The following ZNF791 variants were observed in gnomAD, a reference collection of about 807,000 sequenced individuals.
The protein encoded by ZNF791 is zinc finger protein 791.
Under a neutral mutation model 11.5 loss-of-function variants are expected in ZNF791, and 4 were observed. The observed-to-expected ratio is 0.35, with a 90% CI of 0.17 to 0.80. The LOEUF (loss-of-function observed/expected upper bound fraction) is 0.80. Among genes scored for constraint, ZNF791 ranks in the 30% least tolerant of loss-of-function variants. The pLI is 0.53. For missense variants in ZNF791, 559 were observed against 699.4 expected (o/e 0.80, Z 2.26); for synonymous variants, 212 against 228.1 (o/e 0.93, Z 0.64).
intron 1 of ZNF791, among the ~76,000 whole-genome samples, chr19:12,615,083 GA>G (rs2023226817): frequency 1.6e-5 from 2 of 125,440 alleles, no homozygotes; most frequent in South Asian, 5.3e-4. Flanking sequence ...GCAGTGATGT[GA>G]TCATTGCTCA....
chr19:12,629,512 G>A lies in ZNF791; in HGVS notation c.*252G>A, dbSNP rs546095398. On this transcript the variant is annotated 3_prime_UTR_variant, in exon 4 of 4. Coordinates refer to ENST00000343325, the MANE Select transcript of ZNF791 (RefSeq NM_153358.3). ...TATCAACCGCAATTTAGTAGCAGTA[G>A]TAACACCATAGTGCAGCACATTATT... 2.9e-5 allele frequency: 9 copies of A among 313,144 alleles called. No individual in the cohort carries two copies. The East Asian group carries it at 4.1e-4, about 14-fold the overall frequency. 19.4% of individuals were successfully genotyped at this position (313,144 alleles called of 1,614,324 possible).
intron 1 of ZNF791, among the ~76,000 whole-genome samples, chr19:12,614,545 G>A (rs2023210308): frequency 6.7e-6 from 1 of 150,236 alleles, no homozygotes; most frequent in Non-Finnish European, 1.5e-5. Flanking sequence ...CCGGGGTTAC[G>A]TTTTTCAAGC....
intron 1 of ZNF791, among the ~76,000 whole-genome samples, chr19:12,617,750 T>C (rs74714767): frequency 0.011 from 1,638 of 145,530 alleles, 31 homozygotes; most frequent in African/African-American, 0.04. Context: ...ATTTTCTACC[T>C]GCTGGAACTC....
At chr19:12,611,243 C>T (rs950788590) in intron 1 of ZNF791, among the ~76,000 whole-genome samples, 161 bp downstream of exon 1, 2 of 152,240 alleles carry the variant, frequency 1.3e-5, no homozygotes, top group Admixed American at 6.5e-5. Context: ...CCCCGGAGCC[C>T]TCTCTGGACA....
chr19:12,622,411 C>A lies in ZNF791; in HGVS notation c.4-1289C>A, dbSNP rs3057757. 6.6e-3 allele frequency among the ~76,000 whole-genome samples: 521 copies of A among 79,032 alleles called. 1 individual carries two copies. The highest frequency in any genetic ancestry group is 0.019 in the East Asian group (39 of 2,038). 51.8% of individuals were successfully genotyped at this position (79,032 alleles called of 152,430 possible). A position where few individuals can be genotyped will look rare whatever the true frequency, so the allele number is the denominator to read the frequency against. On this transcript the variant is annotated intron_variant, in intron 1 of 3. Transcript: ENST00000343325. ...ATAATAAAAAAAAGACTGTCTCAAA[C>A]AAAAAAAAAAAAAAAAAAAAACCTC... is the stretch of plus-strand genomic sequence containing the variant.
chr19:12,612,179 G>A, intron 1 of ZNF791: 1 of 885,180 alleles, frequency 1.1e-6, no homozygotes, highest in Non-Finnish European at 1.4e-6. Context: ...TATTGCCATG[G>A]AAATAATTAA....
rs2023467597 is a variant in ZNF791 at position 12,629,059 on chromosome 19, C to T, written c.1530C>T (p.Ser510=). ...ECGKAFIYPT[S]FQGHMRMHTG... ...GGAAGGCCTTTATTTATCCCACAAGCTTTCAAGGACACATGAGAATGCATA... is the reference window on the plus strand; with the variant it reads ...GGAAGGCCTTTATTTATCCCACAAGTTTTCAAGGACACATGAGAATGCATA... The change falls in exon 4 of 4, where the codon AGC becomes AGT. Residue 510 remains serine (S), a synonymous_variant. Coordinates refer to ENST00000343325, the MANE Select transcript of ZNF791 (RefSeq NM_153358.3). The T allele has an allele frequency of 6.2e-7, 1 of 1,610,580 alleles. No homozygotes were observed. The highest frequency in any genetic ancestry group is 1.3e-5 in the African/African-American group (1 of 74,658).
rs1035360089 is a variant in ZNF791 at position 12,632,718 on chromosome 19, G to C, written c.*3458G>C. On this transcript the variant is annotated 3_prime_UTR_variant, in exon 4 of 4. Transcript: ENST00000343325. ...AAATGCTTGAACCTGGAAGTCAGAG[G>C]TTGCAGTGAGCCAAGATCACACCAC... The C allele has an allele frequency of 6.6e-6, 1 of 152,008 alleles. No individual in the cohort carries two copies. Among genetic ancestry groups the C allele is most frequent in the Non-Finnish European group, 1.5e-5 (1 of 68,014 alleles). The allele number at this position is 152,008 out of a possible 1,614,324, so 9.4% of individuals were successfully genotyped here.
At chr19:12,626,109 C>G (rs925560218) in intron 3 of ZNF791, among the ~76,000 whole-genome samples, 1 of 152,190 alleles carries the variant, frequency 6.6e-6, no homozygotes, top group Non-Finnish European at 1.5e-5. Context: ...CTCCCACTCC[C>G]TGGTTCAAGG....
intron 1 of ZNF791, among the ~76,000 whole-genome samples, chr19:12,619,427 A>G (rs2023298221): frequency 6.7e-6 from 1 of 150,086 alleles, no homozygotes; most frequent in Non-Finnish European, 1.5e-5. Context: ...CTCTGTAGTC[A>G]TCAACACTAA....
In ZNF791 at chr19:12,628,716, C is replaced by G. The variant is rs1019948988; in HGVS notation, c.1187C>G (p.Pro396Arg). Residue 396 changes from proline (P) to arginine (R), a missense_variant, in exon 4 of 4, where the codon CCT (proline) becomes CGT (arginine). Physicochemically the swap from Pro to Arg is moderately radical, Grantham distance 103. Coordinates refer to ENST00000343325, the MANE Select transcript of ZNF791 (RefSeq NM_153358.3). ...AAATGTGGGAAAACTTTCAATTATC[C>G]TCTAGATTTGAAAATCCACAAGAGA... ...CKKCGKTFNY[P>R]LDLKIHKRNH... 3 of 1,601,370 alleles carry G rather than the reference C, an allele frequency of 1.9e-6. No individual in the cohort carries two copies. Among genetic ancestry groups the G allele is most frequent in the Non-Finnish European group, 2.6e-6 (3 of 1,174,220 alleles).
rs780174947 is a variant in ZNF791, at chr19:12,629,241, T to G, written c.1712T>G (p.Met571Arg). Residue 571 changes from methionine (M) to arginine (R), a missense_variant, in exon 4 of 4, where the codon ATG becomes AGG. Met to Arg is a moderately conservative substitution (Grantham distance 91, BLOSUM62 -1). Coordinates refer to ENST00000343325, the MANE Select transcript of ZNF791 (RefSeq NM_153358.3). ...FSVSTSLKKHMRMHNR is the reference protein window; with the variant it reads ...FSVSTSLKKHRRMHNR ...GTGTCCACATCCTTAAAAAAACATA[T>G]GAGAATGCACAATCGATAGAAACTC... The G allele has an allele frequency of 2.0e-6, 3 of 1,488,642 alleles. No homozygotes were observed. The highest frequency in any genetic ancestry group is 4.6e-5 in the East Asian group (2 of 43,268). 92.2% of individuals were successfully genotyped at this position (1,488,642 alleles called of 1,614,324 possible). A position where few individuals can be genotyped will look rare whatever the true frequency, so the allele number is the denominator to read the frequency against.
chr19:12,625,824 T>C (rs2145193368), intron 3 of ZNF791, among the ~76,000 whole-genome samples: 1 of 151,240 alleles, frequency 6.6e-6, no homozygotes, highest in South Asian at 2.1e-4. Flanking sequence ...AAGAAAAATA[T>C]TGTACTTGGG....
chr19:12,623,603 T>TG, intron 1 of ZNF791, 97 bp from the exon 2 acceptor site: 1 of 1,529,148 alleles, frequency 6.5e-7, no homozygotes, highest in Non-Finnish European at 9.0e-7. Flanking sequence ...ACTAAATGTT[T>TG]GGAGACCACA....
At position 12,632,994 on chromosome 19, in the gene ZNF791, C is replaced by CT. The variant is rs1234222158; in HGVS notation, c.*3735dup. On this transcript the variant is annotated 3_prime_UTR_variant, in exon 4 of 4. Transcript: ENST00000343325. ...TCTGTAGTCCCAGCTACTCAGGAGT[C>CT]TGAGGCAGGAGAATGGTGTGAACCC... 1.3e-5 allele frequency: 2 copies of CT among 151,908 alleles called. No homozygotes were observed. The highest frequency in any genetic ancestry group is 4.8e-5 in the African/African-American group (2 of 41,360). 9.4% of individuals were successfully genotyped at this position (151,908 alleles called of 1,614,324 possible). A position where few individuals can be genotyped will look rare whatever the true frequency, so the allele number is the denominator to read the frequency against.
At chr19:12,627,606 A>C in intron 3 of ZNF791, 115 bp from the exon 4 acceptor site, 9 of 935,102 alleles carry the variant, frequency 9.6e-6, no homozygotes, top group Non-Finnish European at 1.4e-5. Context: ...AGCCTGGGGA[A>C]CAAGAACAAG....
chr19:12,623,855 CT>C (rs66469937), intron 2 of ZNF791, 29 bp downstream of exon 2: 50,092 of 491,738 alleles, frequency 0.1, 1 homozygote, highest in East Asian at 0.19. Context: ...TTTCTTTTTT[CT>C]TTTTTTTTTT....
Position 12,633,752 on chromosome 19 carries a change from C to G in ZNF791, c.*4492C>G, listed in dbSNP as rs1026562716. 6 of 150,972 alleles carry G rather than the reference C, an allele frequency of 4.0e-5. No homozygotes were observed. The highest frequency in any genetic ancestry group is 1.5e-4 in the African/African-American group (6 of 41,028). 9.4% of individuals were successfully genotyped at this position (150,972 alleles called of 1,614,324 possible). A position where few individuals can be genotyped will look rare whatever the true frequency, so the allele number is the denominator to read the frequency against. Reference sequence around the variant, plus strand: ...TCTATGAGCTTTAATTTGTATGGTTCTTGTTCTGTTAATGCCACTAGGGAC... The same window carrying G: ...TCTATGAGCTTTAATTTGTATGGTTGTTGTTCTGTTAATGCCACTAGGGAC... On this transcript the variant is annotated 3_prime_UTR_variant, in exon 4 of 4. Coordinates refer to ENST00000343325, the MANE Select transcript of ZNF791 (RefSeq NM_153358.3).
intron 1 of ZNF791, among the ~76,000 whole-genome samples, chr19:12,614,593 CTTT>C (rs369598648): frequency 1.0e-4 from 13 of 126,130 alleles, no homozygotes; most frequent in Admixed American, 8.3e-5. Flanking sequence ...ATATGTTTAA[CTTT>C]TTTTTTTTTT....
Sources: gnomAD v4.1 joint callset for allele counts (sites outside exome capture counted in the v4.1 genomes callset) on GRCh38, gnomAD v4.1.1 for gene constraint, MANE v1.5 for transcripts, NCBI Gene and HGNC (gene_info 2026-07-23, HGNC 2026-07-21) for gene names.